Variants in ANO3 observed in about 807,000 individuals in gnomAD.
ANO3 encodes the protein anoctamin 3.
ANO3 carries 99 observed loss-of-function variants against 144.8 expected under a neutral mutation model. The ratio of observed to expected loss-of-function variants is 0.68; its 90% CI spans 0.58 to 0.81. The LOEUF (loss-of-function observed/expected upper bound fraction) is 0.81. Ranked by LOEUF, ANO3 falls within the 30% of genes least tolerant of loss-of-function variation. The pLI, the probability that ANO3 is intolerant of heterozygous loss-of-function variation, is 0.00. For missense variants in ANO3, 905 were observed against 1,202.2 expected (o/e 0.75, Z 3.66); for synonymous variants, 414 against 392.6 (o/e 1.05, Z -0.64).
intron 1 of ANO3, among the ~76,000 whole-genome samples, chr11:26,268,214 A>G (rs914758580): frequency 6.6e-6 from 1 of 152,226 alleles, no homozygotes; most frequent in Non-Finnish European, 1.5e-5. Context: ...TATAATCTAA[A>G]AACTGTTACT....
chr11:26,343,498 A>G (rs954541463), intron 1 of ANO3, among the ~76,000 whole-genome samples: 3 of 152,146 alleles, frequency 2.0e-5, no homozygotes, highest in African/African-American at 4.8e-5. Flanking sequence ...GCCAATTTAC[A>G]TTTCCACCAA....
At chr11:26,468,308 G>C (rs1859670738) in intron 4 of ANO3, among the ~76,000 whole-genome samples, 1 of 151,930 alleles carries the variant, frequency 6.6e-6, no homozygotes, top group Non-Finnish European at 1.5e-5. Context: ...ATTAACTACA[G>C]ATATTGCCAT....
intron 1 of ANO3, among the ~76,000 whole-genome samples, chr11:26,237,118 C>T (rs1428116310): frequency 3.3e-5 from 5 of 151,920 alleles, no homozygotes; most frequent in African/African-American, 4.8e-5. Context: ...TTCCAACTCC[C>T]GGAGTATTGT....
intron 4 of ANO3, among the ~76,000 whole-genome samples, chr11:26,482,465 TG>T (rs1412638710): frequency 6.7e-6 from 1 of 150,040 alleles, no homozygotes; most frequent in African/African-American, 2.4e-5. Flanking sequence ...TGTGTGTGTG[TG>T]TGTGTGTATC....
intron 1 of ANO3, among the ~76,000 whole-genome samples, chr11:26,378,774 C>T (rs1293689526): frequency 6.6e-6 from 1 of 151,784 alleles, no homozygotes; most frequent in Non-Finnish European, 1.5e-5. Flanking sequence ...GTTAACTGTA[C>T]CCAGAAGGAC....
At chr11:26,391,355 A>G (rs1208525494) in intron 1 of ANO3, among the ~76,000 whole-genome samples, 1 of 152,042 alleles carries the variant, frequency 6.6e-6, no homozygotes, top group African/African-American at 2.4e-5. Context: ...TAATCCATAA[A>G]TGAATTAATC....
intron 1 of ANO3, among the ~76,000 whole-genome samples, chr11:26,291,221 G>T (rs1853948711): frequency 6.6e-6 from 1 of 152,126 alleles, no homozygotes; most frequent in East Asian, 1.9e-4. Flanking sequence ...TCAGAGACTA[G>T]GATTGCAACC....
chr11:26,508,636 C>A, intron 5 of ANO3: 1 of 202,534 alleles, frequency 4.9e-6, no homozygotes, highest in African/African-American at 2.3e-5. Context: ...GTTTTCTTCC[C>A]AAATCTTTTT....
chr11:26,365,975 TATATATATATATATATATATA>T (rs1331192206), intron 1 of ANO3, among the ~76,000 whole-genome samples: 7,775 of 87,504 alleles, frequency 0.089, 638 homozygotes, highest in African/African-American at 0.22. Flanking sequence ...TATATATATA[TATATATATATATATATATATA>T]TATATATTTT....
chr11:26,567,905 T>G (rs1328124017), intron 14 of ANO3, among the ~76,000 whole-genome samples: 11 of 151,974 alleles, frequency 7.2e-5, no homozygotes, highest in Non-Finnish European at 7.4e-5. Flanking sequence ...AGTTGTATTG[T>G]GTGATTTCAT....
chr11:26,588,716 C>T (rs1038355934), intron 14 of ANO3, among the ~76,000 whole-genome samples: 11 of 57,564 alleles, frequency 1.9e-4, no homozygotes, highest in African/African-American at 5.6e-4. Context: ...AAATGTTGTA[C>T]ACTACATTAA....
chr11:26,570,730 A>G (rs185559852), intron 14 of ANO3, among the ~76,000 whole-genome samples: 26 of 152,282 alleles, frequency 1.7e-4, no homozygotes, highest in African/African-American at 5.3e-4. Context: ...TGTCTCTCAA[A>G]GAAAACTCTG....
At chr11:26,536,455 A>T (rs1190202904) in intron 9 of ANO3, among the ~76,000 whole-genome samples, 1 of 152,066 alleles carries the variant, frequency 6.6e-6, no homozygotes, top group African/African-American at 2.4e-5. Context: ...TAAGGGTATC[A>T]TTCCCTTTGT....
intron 1 of ANO3, among the ~76,000 whole-genome samples, chr11:26,357,048 A>C (rs555758385): frequency 1.3e-5 from 2 of 152,220 alleles, no homozygotes; most frequent in Non-Finnish European, 2.9e-5. Flanking sequence ...AGGTTAATTC[A>C]CAGGTTTTGG....
At chr11:26,485,484 CCGAGCCA>C (rs1421042567) in intron 4 of ANO3, among the ~76,000 whole-genome samples, 1 of 152,100 alleles carries the variant, frequency 6.6e-6, no homozygotes, top group Non-Finnish European at 1.5e-5. Flanking sequence ...CTGAGGCCTC[CCGAGCCA>C]CGCTTCCTGT....
chr11:26,274,407 C>T (rs916479003), intron 1 of ANO3, among the ~76,000 whole-genome samples: 1 of 151,876 alleles, frequency 6.6e-6, no homozygotes. Flanking sequence ...TATGTTGTCC[C>T]TAATTTTTCA....
chr11:26,515,125 C>T (rs1861812958), intron 5 of ANO3, among the ~76,000 whole-genome samples: 1 of 151,980 alleles, frequency 6.6e-6, no homozygotes, highest in Admixed American at 6.6e-5. Flanking sequence ...TTACTTCTGG[C>T]ATTGTCAATT....
At chr11:26,281,508 C>T (rs942931417) in intron 1 of ANO3, among the ~76,000 whole-genome samples, 2 of 152,126 alleles carry the variant, frequency 1.3e-5, no homozygotes, top group Non-Finnish European at 2.9e-5. Context: ...CTTCTTCACA[C>T]TTAAACTAAA....
chr11:26,293,261 G>A (rs1340114616), intron 1 of ANO3, among the ~76,000 whole-genome samples: 1 of 151,606 alleles, frequency 6.6e-6, no homozygotes. Context: ...AGGCATACAG[G>A]ATCTAATTAA....
Sources: allele counts gnomAD v4.1 joint callset (sites outside exome capture counted in the v4.1 genomes callset), GRCh38; gene constraint gnomAD v4.1.1; transcripts MANE v1.5; gene names NCBI Gene and HGNC (gene_info 2026-07-23, HGNC 2026-07-21).